PLCG2: variants seen among roughly 807,000 people sequenced by gnomAD.
PLCG2 encodes 1-phosphatidylinositol 4,5-bisphosphate phosphodiesterase gamma-2.
A neutral mutation model predicts 175.6 loss-of-function variants in PLCG2; 69 were observed. The observed-to-expected ratio is 0.39, with a 90% CI of 0.32 to 0.48. The LOEUF is 0.48. Among genes scored for constraint, PLCG2 ranks in the 20% least tolerant of loss-of-function variants. The pLI is 0.91. For synonymous variants in PLCG2, 827 were observed against 624.0 expected (o/e 1.33, Z -4.85); for missense variants, 1,798 against 1,650.9 (o/e 1.09, Z -1.54).
chr16:81,913,566 C>A (rs1037062063), intron 19 of PLCG2, among the ~76,000 whole-genome samples: 1 of 152,238 alleles, frequency 6.6e-6, no homozygotes, highest in Non-Finnish European at 1.5e-5. Flanking sequence ...GGCCTGGGGG[C>A]CAAATCTCCA....
At chr16:81,950,463 C>G (rs1214694490) in intron 31 of PLCG2, among the ~76,000 whole-genome samples, 2 of 152,196 alleles carry the variant, frequency 1.3e-5, no homozygotes, top group Admixed American at 1.3e-4. Flanking sequence ...AAGAAAAAAT[C>G]TTTCAGAATT....
intron 7 of PLCG2, among the ~76,000 whole-genome samples, chr16:81,877,817 CTTGTAGATGTCATTGCATCGCTCCTTGG>C: frequency 2.0e-5 from 3 of 150,750 alleles, no homozygotes; most frequent in Non-Finnish European, 4.4e-5. Flanking sequence ...CGCTCCTTGG[CTTGTAGATGTCATTGCATCGCTCCTTGG>C]CTTGTAGATG....
chr16:81,797,045 G>A (rs1042904077), intron 2 of PLCG2, among the ~76,000 whole-genome samples: 3 of 152,204 alleles, frequency 2.0e-5, no homozygotes, highest in South Asian at 2.1e-4. Context: ...TTTCTTCCAC[G>A]TGTCATGTTA....
chr16:81,923,591 G>A lies in PLCG2; in HGVS notation c.2414G>A (p.Gly805Asp), dbSNP rs1910143098. 1 of 1,594,270 alleles carries A rather than the reference G, an allele frequency of 6.3e-7. No individual in the cohort carries two copies. Among genetic ancestry groups the A allele is most frequent in the Non-Finnish European group, 8.6e-7 (1 of 1,162,412 alleles). The change falls in exon 22 of 33, where the codon GGC becomes GAC. Residue 805 changes from glycine to aspartate, a missense_variant. Transcript: ENST00000564138. The part of the protein sequence containing the change: ...LIHNVSKEPG[G>D]WWKGDYGTRI... ...CACAATGTCTCCAAGGAGCCCGGGG[G>A]CTGGTAAGGCTGAGTGGAGGCTGGG...
upstream of PLCG2, among the ~76,000 whole-genome samples, chr16:81,775,658 G>T (rs1007864359): frequency 6.6e-6 from 1 of 152,042 alleles, no homozygotes; most frequent in African/African-American, 2.4e-5. Context: ...AGGGTAATAG[G>T]GAAAAGCATT....
chr16:81,957,146 A>G (rs894679918), intron 32 of PLCG2, among the ~76,000 whole-genome samples: 6 of 152,078 alleles, frequency 3.9e-5, no homozygotes, highest in African/African-American at 1.4e-4. Flanking sequence ...TAAAAATACA[A>G]AAATTAGCTG....
At chr16:81,795,622 G>C (rs889857705) in intron 2 of PLCG2, among the ~76,000 whole-genome samples, 1 of 152,174 alleles carries the variant, frequency 6.6e-6, no homozygotes, top group Non-Finnish European at 1.5e-5. Context: ...GGAAGAGGAA[G>C]AGCAGAGGAT....
At chr16:81,822,334 C>T (rs574216585) in intron 2 of PLCG2, among the ~76,000 whole-genome samples, 3 of 152,176 alleles carry the variant, frequency 2.0e-5, no homozygotes, top group East Asian at 1.9e-4. Flanking sequence ...TCCTGCTCCC[C>T]GGAACCTGTG....
At chr16:81,946,674 T>C (rs1454373478) in intron 31 of PLCG2, among the ~76,000 whole-genome samples, 1 of 152,162 alleles carries the variant, frequency 6.6e-6, no homozygotes, top group Non-Finnish European at 1.5e-5. Context: ...CATAAATTAA[T>C]CACCCCCCAA....
At chr16:81,881,564 C>T (rs538530562) in intron 8 of PLCG2, among the ~76,000 whole-genome samples, 17 of 152,330 alleles carry the variant, frequency 1.1e-4, no homozygotes, top group East Asian at 3.9e-4. Flanking sequence ...CAGTCTTTAT[C>T]GGTGAGCAAC....
chr16:81,943,454 T>G (rs1410438839), intron 30 of PLCG2, among the ~76,000 whole-genome samples: 1 of 152,084 alleles, frequency 6.6e-6, no homozygotes, highest in Non-Finnish European at 1.5e-5. Flanking sequence ...GAACAGCAAG[T>G]GGGAAGTCCA....
chr16:81,954,776 T>C (rs780665843), intron 31 of PLCG2, among the ~76,000 whole-genome samples: 1 of 152,358 alleles, frequency 6.6e-6, no homozygotes, highest in Middle Eastern at 3.4e-3. Flanking sequence ...TCTTTGCTGT[T>C]GTACATGGTG....
At chr16:81,889,441 C>T (rs1001420044) in intron 10 of PLCG2, 168 bp downstream of exon 10, 12 of 559,592 alleles carry the variant, frequency 2.1e-5, no homozygotes, top group Admixed American at 3.3e-5. Context: ...TCTTTTTTCT[C>T]CCAGGTTCTA....
chr16:81,956,301 G>GT (rs1257343851), intron 31 of PLCG2, among the ~76,000 whole-genome samples: 2 of 152,208 alleles, frequency 1.3e-5, no homozygotes, highest in African/African-American at 4.8e-5. Context: ...ATGTCATGCT[G>GT]TTTTTTTCTC....
At chr16:81,901,968 C>G (rs28545275) in intron 14 of PLCG2, among the ~76,000 whole-genome samples, 2,117 of 152,286 alleles carry the variant, frequency 0.014, 47 homozygotes, top group African/African-American at 0.049. Flanking sequence ...GCTCATTACA[C>G]AAAAACGGTG....
At chr16:81,759,568 CG>C (rs2143083537) in intron 2 of PLCG2, among the ~76,000 whole-genome samples, 1 of 152,282 alleles carries the variant, frequency 6.6e-6, no homozygotes, top group South Asian at 2.1e-4. Context: ...CCTCTGCCAC[CG>C]TATCCTACTT....
chr16:81,905,146 C>T (rs1366723402), intron 14 of PLCG2, among the ~76,000 whole-genome samples: 1 of 152,260 alleles, frequency 6.6e-6, no homozygotes, highest in African/African-American at 2.4e-5. Context: ...TTCAGCCTCC[C>T]AAAGTGCTGG....
rs372606303 is a variant in PLCG2, at chr16:81,939,921, C to T, written c.3343C>T (p.Pro1115Ser). 21 of 1,613,904 alleles carry T rather than the reference C, an allele frequency of 1.3e-5. No homozygotes were observed. The highest frequency in any genetic ancestry group is 1.6e-5 in the Non-Finnish European group (19 of 1,179,892). ...NDNGLSPIWA[P>S]TQEKVTFEIY... ...TAATGGCCTCAGCCCTATCTGGGCT[C>T]CAACACAGGAGAAGGTGACATTTGA... The change falls in exon 30 of 33, where the codon CCA becomes TCA. Residue 1115 changes from proline (P) to serine (S), a missense_variant. Pro to Ser is a moderately conservative substitution (Grantham distance 74). Coordinates refer to ENST00000564138, the MANE Select transcript of PLCG2 (RefSeq NM_002661.5).
chr16:81,780,556 A>T (rs1428025328), intron 1 of PLCG2, among the ~76,000 whole-genome samples: 1 of 152,208 alleles, frequency 6.6e-6, no homozygotes, highest in African/African-American at 2.4e-5. Context: ...GCTCAGGGAC[A>T]ATCGTCATTG....
Sources: gnomAD v4.1 joint callset for allele counts (sites outside exome capture counted in the v4.1 genomes callset) on GRCh38, gnomAD v4.1.1 for gene constraint, MANE v1.5 for transcripts, NCBI Gene and HGNC (gene_info 2026-07-23, HGNC 2026-07-21) for gene names.